RAB27B: variants seen among roughly 807,000 people sequenced by gnomAD.
RAB27B encodes ras-related protein Rab-27B.
A neutral mutation model predicts 24.6 loss-of-function variants in RAB27B; 15 were observed. The ratio of observed to expected loss-of-function variants is 0.61; its 90% CI spans 0.41 to 0.94. The LOEUF (loss-of-function observed/expected upper bound fraction) is 0.94, where lower values mean the gene tolerates loss of function less well. RAB27B is among the 40% of genes least tolerant of loss of function. The pLI is 0.00. For synonymous variants in RAB27B, 105 were observed against 92.5 expected (o/e 1.14, Z -0.78); for missense variants, 261 against 266.8 (o/e 0.98, Z 0.15).
rs562224876 is a variant in RAB27B at position 54,803,791 on chromosome 18, G to A, written c.-19-73776G>A. Among the ~76,000 whole-genome samples the A allele has an allele frequency of 3.9e-5, 6 of 152,288 alleles. No homozygotes were observed. In the East Asian group the frequency reaches 1.2e-3, roughly 29 times the overall value. ...GACTTAAGCAACTGGGGGGATGATG[G>A]AACCACTCACTGGGTTGATGATAAT... is the stretch of plus-strand genomic sequence containing the variant. On this transcript the variant is annotated intron_variant, in intron 2 of 4. Transcript: ENST00000586570.
intron 1 of RAB27B, among the ~76,000 whole-genome samples, chr18:54,843,564 T>C (rs1911202582): frequency 6.6e-6 from 1 of 152,192 alleles, no homozygotes; most frequent in Admixed American, 6.5e-5. Flanking sequence ...CGACATCTGC[T>C]GATCAATCAA....
chr18:54,802,763 T>A (rs1909650694), intron 2 of RAB27B, among the ~76,000 whole-genome samples: 1 of 152,336 alleles, frequency 6.6e-6, no homozygotes, highest in East Asian at 1.9e-4. Context: ...GACATTGACA[T>A]TATAAAGTCT....
At chr18:54,836,502 A>G (rs1910899245) in intron 1 of RAB27B, among the ~76,000 whole-genome samples, 1 of 151,974 alleles carries the variant, frequency 6.6e-6, no homozygotes, top group African/African-American at 2.4e-5. Context: ...CTTAAAATCA[A>G]TATCGTAAAT....
At chr18:54,788,715 G>A (rs1376280336) in intron 2 of RAB27B, among the ~76,000 whole-genome samples, 1 of 152,204 alleles carries the variant, frequency 6.6e-6, no homozygotes, top group Non-Finnish European at 1.5e-5. Context: ...AGAAAATAAA[G>A]AATAAAGGAT....
At chr18:54,730,119 T>C (rs1444013248) in intron 2 of RAB27B, among the ~76,000 whole-genome samples, 1 of 152,222 alleles carries the variant, frequency 6.6e-6, no homozygotes, top group African/African-American at 2.4e-5. Flanking sequence ...TAATTCTAAT[T>C]GTACATTGTG....
intron 2 of RAB27B, among the ~76,000 whole-genome samples, chr18:54,729,872 A>G (rs1296890598): frequency 6.6e-6 from 1 of 152,172 alleles, no homozygotes; most frequent in Non-Finnish European, 1.5e-5. Flanking sequence ...AAAAATGTTG[A>G]AAGTTAAGAC....
intron 2 of RAB27B, among the ~76,000 whole-genome samples, chr18:54,773,713 T>C (rs1297418040): frequency 1.3e-5 from 2 of 151,662 alleles, no homozygotes; most frequent in African/African-American, 4.8e-5. Context: ...TCTCACTCTG[T>C]CACCCAGGCT....
At chr18:54,819,140 CTTA>C (rs1467136217) in intron 2 of RAB27B, among the ~76,000 whole-genome samples, 5 of 147,622 alleles carry the variant, frequency 3.4e-5, no homozygotes, top group Non-Finnish European at 7.4e-5. Flanking sequence ...TAGAAATGTA[CTTA>C]TTATAAATAA....
At chr18:54,730,377 G>A (rs1032433069) in intron 2 of RAB27B, among the ~76,000 whole-genome samples, 3 of 152,118 alleles carry the variant, frequency 2.0e-5, no homozygotes, top group Admixed American at 1.3e-4. Context: ...ATGGTTCTCC[G>A]CCAATGCCCT....
chr18:54,831,967 G>T (rs966673636), intron 1 of RAB27B, among the ~76,000 whole-genome samples: 3 of 152,180 alleles, frequency 2.0e-5, no homozygotes, highest in African/African-American at 7.2e-5. Context: ...GTTGAGACGG[G>T]GTTTCACCAT....
At chr18:54,816,151 T>C (rs540073774) in intron 2 of RAB27B, among the ~76,000 whole-genome samples, 1 of 152,336 alleles carries the variant, frequency 6.6e-6, no homozygotes, top group South Asian at 2.1e-4. Context: ...CTGTGAAATG[T>C]AGAGTTGGTT....
chr18:54,758,943 T>C lies in RAB27B; in HGVS notation c.-20+40802T>C, dbSNP rs1908095520. On this transcript the variant is annotated intron_variant, in intron 2 of 4. Transcript: ENST00000586570. ...TCAGAAGACTTCAAACGTCTCTCTATAGCTCTGAAATTGTATAATTAGCAC... is the reference window on the plus strand; with the variant it reads ...TCAGAAGACTTCAAACGTCTCTCTACAGCTCTGAAATTGTATAATTAGCAC... Among the ~76,000 whole-genome samples the C allele has an allele frequency of 2.0e-5, 3 of 152,342 alleles. No homozygotes were observed. The South Asian group carries it at 6.2e-4, about 32-fold the overall frequency.
chr18:54,738,891 G>A (rs1414967597), intron 2 of RAB27B, among the ~76,000 whole-genome samples: 2 of 152,088 alleles, frequency 1.3e-5, no homozygotes, highest in East Asian at 3.8e-4. Flanking sequence ...ATATCTCTGT[G>A]TAACTATGGG....
intron 1 of RAB27B, among the ~76,000 whole-genome samples, chr18:54,840,874 G>C (rs550529298): frequency 6.1e-4 from 93 of 152,136 alleles, no homozygotes; most frequent in African/African-American, 2.0e-3. Context: ...GCTGGGCACG[G>C]TGGGTGGCTC....
intron 2 of RAB27B, among the ~76,000 whole-genome samples, chr18:54,732,007 C>CT (rs1490406111): frequency 6.6e-6 from 1 of 152,158 alleles, no homozygotes; most frequent in Non-Finnish European, 1.5e-5. Flanking sequence ...TCTTTAGCAA[C>CT]TTTGCTGTCA....
At chr18:54,780,144 C>T (rs1259374097) in intron 2 of RAB27B, among the ~76,000 whole-genome samples, 4 of 143,854 alleles carry the variant, frequency 2.8e-5, no homozygotes, top group Non-Finnish European at 3.0e-5. Flanking sequence ...TCCCCCTCAC[C>T]CTGTCTCCCC....
At chr18:54,741,280 A>G (rs1910063165) in intron 2 of RAB27B, among the ~76,000 whole-genome samples, 2 of 152,140 alleles carry the variant, frequency 1.3e-5, no homozygotes, top group South Asian at 4.1e-4. Context: ...CCTGTTCCTT[A>G]AAGCTAAAGA....
At chr18:54,765,101 C>G (rs1908318673) in intron 2 of RAB27B, among the ~76,000 whole-genome samples, 1 of 151,964 alleles carries the variant, frequency 6.6e-6, no homozygotes, top group African/African-American at 2.4e-5. Flanking sequence ...AAAAAACAAA[C>G]AAGCAAAAAA....
At chr18:54,785,354 G>A (rs937034813) in intron 2 of RAB27B, among the ~76,000 whole-genome samples, 5 of 151,190 alleles carry the variant, frequency 3.3e-5, no homozygotes, top group Non-Finnish European at 7.4e-5. Context: ...TGCCTGTCTC[G>A]GCCTCCCAAA....
Sources: gnomAD v4.1 joint callset for allele counts (sites outside exome capture counted in the v4.1 genomes callset) on GRCh38, gnomAD v4.1.1 for gene constraint, MANE v1.5 for transcripts, NCBI Gene and HGNC (gene_info 2026-07-23, HGNC 2026-07-21) for gene names.